Variants in ENAH observed in about 807,000 individuals in gnomAD.
ENAH encodes ENAH actin regulator.
ENAH carries 23 observed loss-of-function variants against 78.7 expected under a neutral mutation model. That is an observed-to-expected ratio of 0.29 (90% CI 0.21 to 0.41). ENAH has a LOEUF of 0.41. Among genes scored for constraint, ENAH ranks in the 10% least tolerant of loss-of-function variants. The probability of loss-of-function intolerance (pLI) is 1.00; values close to 1 mark genes in which losing one functional copy is unlikely to be tolerated. For missense variants in ENAH, 544 were observed against 691.0 expected (o/e 0.79, Z 2.39); for synonymous variants, 226 against 241.0 (o/e 0.94, Z 0.58).
intron 1 of ENAH, among the ~76,000 whole-genome samples, chr1:225,635,288 T>A (rs977263379): frequency 5.9e-5 from 9 of 152,172 alleles, no homozygotes; most frequent in African/African-American, 2.2e-4. Context: ...CAAGTGATCC[T>A]CCCATCATAG....
intron 1 of ENAH, among the ~76,000 whole-genome samples, chr1:225,589,324 G>A (rs527326216): frequency 1.3e-5 from 2 of 152,196 alleles, no homozygotes; most frequent in African/African-American, 4.8e-5. Flanking sequence ...ATATATATAA[G>A]CATTATTGAA....
intron 1 of ENAH, among the ~76,000 whole-genome samples, chr1:225,578,625 GCT>G (rs1423011891): frequency 6.6e-6 from 1 of 152,176 alleles, no homozygotes; most frequent in Non-Finnish European, 1.5e-5. Context: ...TTCAAGCAAT[GCT>G]CTTTCTTGTA....
chr1:225,526,014 T>G lies in ENAH; in HGVS notation c.434+4540A>C, dbSNP rs1004555194. On this transcript the variant is annotated intron_variant, in intron 4 of 13. Coordinates refer to ENST00000366843, the MANE Select transcript of ENAH (RefSeq NM_018212.6). ...TGGCTACAACCATTTATTTCCGTTT[T>G]GTCTATGGCGAGCTACAAAGGAAGA... is the stretch of plus-strand genomic sequence containing the variant. Among the ~76,000 whole-genome samples, 9 of 152,172 alleles carry G rather than the reference T, an allele frequency of 5.9e-5. No individual in the cohort carries two copies. In the East Asian group the frequency reaches 1.7e-3, roughly 29 times the overall value.
rs1474155636 is a variant in ENAH, at chr1:225,493,240, A to G, written c.*4535T>C. The G allele has an allele frequency of 6.6e-6, 1 of 152,180 alleles. No homozygotes were observed. Among genetic ancestry groups the G allele is most frequent in the East Asian group, 1.9e-4 (1 of 5,198 alleles). The allele number at this position is 152,180 out of a possible 1,614,324, so 9.4% of individuals were successfully genotyped here. On this transcript the variant is annotated 3_prime_UTR_variant, in exon 14 of 14. Coordinates refer to ENST00000366843, the MANE Select transcript of ENAH (RefSeq NM_018212.6). ...TGATGTTGGGAACAGAAAAACCTGC[A>G]TCACAGACCTCCAACAGTTCTTGGC...
intron 2 of ENAH, among the ~76,000 whole-genome samples, chr1:225,562,294 C>T (rs902426699): frequency 4.6e-5 from 7 of 151,758 alleles, no homozygotes; most frequent in South Asian, 2.1e-4. Flanking sequence ...AAGCACAGGC[C>T]GGGCGCAGTG....
At chr1:225,627,365 C>T (rs1439012412) in intron 1 of ENAH, among the ~76,000 whole-genome samples, 1 of 152,186 alleles carries the variant, frequency 6.6e-6, no homozygotes, top group African/African-American at 2.4e-5. Flanking sequence ...GAATAAGCAG[C>T]ACACAGGTTG....
chr1:225,623,880 G>A (rs927566925), intron 1 of ENAH, among the ~76,000 whole-genome samples: 2 of 151,944 alleles, frequency 1.3e-5, no homozygotes, highest in African/African-American at 4.8e-5. Flanking sequence ...TAAGCCACCG[G>A]GCCCAGTCAG....
intron 1 of ENAH, among the ~76,000 whole-genome samples, chr1:225,577,411 C>G (rs1054332217): frequency 6.6e-6 from 1 of 152,196 alleles, no homozygotes; most frequent in Non-Finnish European, 1.5e-5. Flanking sequence ...ATGCCACTGA[C>G]AAACAGCAGA....
In ENAH at chr1:225,517,245, C is replaced by A; in HGVS notation, c.864G>T (p.Glu288Asp). The A allele has an allele frequency of 6.4e-7, 1 of 1,550,524 alleles. No homozygotes were observed. The highest frequency in any genetic ancestry group is 8.7e-7 in the Non-Finnish European group (1 of 1,146,574). Residue 288 changes from glutamate (E) to aspartate (D), a missense_variant, in exon 6 of 14, where the codon GAG becomes GAT. Glu to Asp is a conservative substitution (Grantham distance 45). Transcript: ENST00000366843. Reference sequence around the variant, plus strand: ...GCTGAGAGGCTGCCTGCAAGCCTGGCTCAGAAGCAGAAGAGTCTCCCAGCA... The same window carrying A: ...GCTGAGAGGCTGCCTGCAAGCCTGGATCAGAAGCAGAAGAGTCTCCCAGCA... Reference protein sequence around the residue: ...NSVLGDSSASEPGLQAASQPA... With the variant: ...NSVLGDSSASDPGLQAASQPA...
chr1:225,650,738 T>C (rs1164038015), intron 1 of ENAH, among the ~76,000 whole-genome samples: 3 of 149,954 alleles, frequency 2.0e-5, no homozygotes, highest in Admixed American at 6.7e-5. Context: ...TAATCCCAGC[T>C]ACTTGGGAGG....
In ENAH at chr1:225,542,247, A is replaced by G. The variant is rs568545401; in HGVS notation, c.350-11609T>C. Among the ~76,000 whole-genome samples the G allele has an allele frequency of 3.9e-5, 6 of 152,350 alleles. No homozygotes were observed. The East Asian group carries it at 5.8e-4, about 15-fold the overall frequency. On this transcript the variant is annotated intron_variant, in intron 3 of 13. Transcript: ENST00000366843. ...AAGTGACTCTATGAATAACGCCAAC[A>G]TGACCCCAAATGTTTGGAAAGACTG...
intron 1 of ENAH, among the ~76,000 whole-genome samples, chr1:225,631,511 T>A (rs1575797890): frequency 2.7e-5 from 4 of 150,062 alleles, no homozygotes; most frequent in African/African-American, 7.4e-5. Context: ...AAGGCGGAGG[T>A]TGCGGTGAGC....
chr1:225,620,371 C>A (rs1656589039), intron 1 of ENAH, among the ~76,000 whole-genome samples: 1 of 151,766 alleles, frequency 6.6e-6, no homozygotes, highest in East Asian at 1.9e-4. Flanking sequence ...ACCAAAAATA[C>A]AAAAATTAGC....
chr1:225,601,704 A>G (rs2148012911), intron 1 of ENAH, among the ~76,000 whole-genome samples: 1 of 152,296 alleles, frequency 6.6e-6, no homozygotes, highest in East Asian at 1.9e-4. Flanking sequence ...GCACAAGGGC[A>G]TACAGATTAT....
At chr1:225,630,555 T>C (rs552045138) in intron 1 of ENAH, among the ~76,000 whole-genome samples, 6 of 152,344 alleles carry the variant, frequency 3.9e-5, no homozygotes, top group Admixed American at 6.5e-5. Context: ...TGCACAACTA[T>C]GTGAAACACT....
At chr1:225,643,931 T>A (rs1212088465) in intron 1 of ENAH, among the ~76,000 whole-genome samples, 2 of 152,146 alleles carry the variant, frequency 1.3e-5, no homozygotes, top group African/African-American at 4.8e-5. Flanking sequence ...TTTAAGACCC[T>A]ATTTAAAAAA....
Position 225,652,941 on chromosome 1 carries a change from C to T in ENAH, c.-251G>A. On this transcript the variant is annotated 5_prime_UTR_variant, in exon 1 of 14. Coordinates refer to ENST00000366843, the MANE Select transcript of ENAH (RefSeq NM_018212.6). ...GAGGCCGAGGCGCGGAGCTGGTCCCCAGGCGGCCGCCGCCTCCCACCTCCT... is the reference window on the plus strand; with the variant it reads ...GAGGCCGAGGCGCGGAGCTGGTCCCTAGGCGGCCGCCGCCTCCCACCTCCT... The T allele has an allele frequency of 2.6e-6, 1 of 380,560 alleles. No individual in the cohort carries two copies. Among genetic ancestry groups the T allele is most frequent in the Non-Finnish European group, 4.6e-6 (1 of 215,060 alleles). The allele number at this position is 380,560 out of a possible 1,614,324, so 23.6% of individuals were successfully genotyped here.
At chr1:225,636,190 G>A (rs1660029243) in intron 1 of ENAH, among the ~76,000 whole-genome samples, 1 of 152,196 alleles carries the variant, frequency 6.6e-6, no homozygotes, top group Non-Finnish European at 1.5e-5. Flanking sequence ...TACCTCAGAA[G>A]TGTACCCAAG....
chr1:225,599,548 G>A (rs2096919411), intron 1 of ENAH, among the ~76,000 whole-genome samples: 1 of 152,098 alleles, frequency 6.6e-6, no homozygotes, highest in Admixed American at 6.6e-5. Flanking sequence ...GCTCACACCT[G>A]TAATCCTTGC....
Sources: allele counts gnomAD v4.1 joint callset (sites outside exome capture counted in the v4.1 genomes callset), GRCh38; gene constraint gnomAD v4.1.1; transcripts MANE v1.5; gene names NCBI Gene and HGNC (gene_info 2026-07-23, HGNC 2026-07-21).